CHRM2: variants seen among roughly 807,000 people sequenced by gnomAD.
CHRM2 encodes cholinergic receptor muscarinic 2, also known as muscarinic acetylcholine receptor M2.
A neutral mutation model predicts 25.0 loss-of-function variants in CHRM2; 8 were observed. The ratio of observed to expected loss-of-function variants is 0.32; its 90% CI spans 0.19 to 0.58. The LOEUF is 0.58. Among genes scored for constraint, CHRM2 ranks in the 20% least tolerant of loss-of-function variants. The probability of loss-of-function intolerance (pLI) is 0.88; values close to 1 mark genes in which losing one functional copy is unlikely to be tolerated. For synonymous variants in CHRM2, 202 were observed against 205.7 expected (o/e 0.98, Z 0.15); for missense variants, 440 against 567.1 (o/e 0.78, Z 2.28).
In CHRM2 at chr7:136,938,679, C is replaced by A. The variant is rs576701421; in HGVS notation, c.-124-53508C>A. On this transcript the variant is annotated intron_variant, in intron 2 of 3. Coordinates refer to ENST00000680005, the MANE Select transcript of CHRM2 (RefSeq NM_001006630.2). ...CTCGTGCAGGAGCGGCTGCTGAAGG[C>A]CCAGGGGCCAGAGGTGGACACCTTG... is the stretch of plus-strand genomic sequence containing the variant. The A allele has an allele frequency of 4.3e-5, 34 of 784,602 alleles. No homozygotes were observed. In the African/African-American group the frequency reaches 5.6e-4, roughly 13 times the overall value. The allele number at this position is 784,602 out of a possible 1,614,324, so 48.6% of individuals were successfully genotyped here.
Position 136,931,405 on chromosome 7 carries a change from G to A in CHRM2, c.-124-60782G>A, listed in dbSNP as rs1213050171. On this transcript the variant is annotated intron_variant, in intron 2 of 3. Coordinates refer to ENST00000680005, the MANE Select transcript of CHRM2 (RefSeq NM_001006630.2). The stretch of plus-strand genomic sequence containing the variant: ...AGTGGCGAGCCCCAAGCCTCAAAGT[G>A]GCAGAAGCAGCTTAAGACAGCACAT... 2.6e-5 allele frequency among the ~76,000 whole-genome samples: 4 copies of A among 152,176 alleles called. No homozygotes were observed. The East Asian group carries it at 7.7e-4, about 29-fold the overall frequency.
intron 2 of CHRM2, among the ~76,000 whole-genome samples, chr7:136,961,223 G>A (rs1433677038): frequency 6.6e-6 from 1 of 152,122 alleles, no homozygotes; most frequent in African/African-American, 2.4e-5. Context: ...ACAGTATTCA[G>A]TAAACTACAT....
chr7:136,938,309 C>T lies in CHRM2; in HGVS notation c.-124-53878C>T, dbSNP rs1328393741. The T allele has an allele frequency of 2.0e-5, 26 of 1,296,202 alleles. No homozygotes were observed. The East Asian group carries it at 3.0e-4, about 15-fold the overall frequency. 80.3% of individuals were successfully genotyped at this position (1,296,202 alleles called of 1,614,324 possible). Reference sequence around the variant, plus strand: ...CGCCTAAGGTTGTTGATGTAGCTCTCGAACATGTTGTCCATGTTGCTCCGA... The same window carrying T: ...CGCCTAAGGTTGTTGATGTAGCTCTTGAACATGTTGTCCATGTTGCTCCGA... On this transcript the variant is annotated intron_variant, in intron 2 of 3. Coordinates refer to ENST00000680005, the MANE Select transcript of CHRM2 (RefSeq NM_001006630.2).
chr7:136,939,387 G>T (rs1044657429), intron 2 of CHRM2, among the ~76,000 whole-genome samples: 2 of 152,176 alleles, frequency 1.3e-5, no homozygotes, highest in African/African-American at 4.8e-5. Flanking sequence ...CAGTTCTAAT[G>T]CCCCTTTTGG....
chr7:136,977,798 T>G (rs1802203576), intron 2 of CHRM2, among the ~76,000 whole-genome samples: 1 of 152,220 alleles, frequency 6.6e-6, no homozygotes, highest in South Asian at 2.1e-4. Context: ...GACCTACCCA[T>G]AAATTCTTTA....
At chr7:136,929,888 C>A (rs1798959657) in intron 2 of CHRM2, among the ~76,000 whole-genome samples, 1 of 151,768 alleles carries the variant, frequency 6.6e-6, no homozygotes, top group Admixed American at 6.6e-5. Flanking sequence ...TTAAATAATT[C>A]AATCAGTAAA....
chr7:136,997,214 T>C lies in CHRM2; in HGVS notation c.-47+4950T>C, dbSNP rs551953593. Among the ~76,000 whole-genome samples the C allele has an allele frequency of 7.9e-4, 121 of 152,314 alleles. 1 individual carries two copies. Among genetic ancestry groups the C allele is most frequent in the Admixed American group, 1.4e-3 (21 of 15,288 alleles). ...GTACATGTATATGTGTATGAGTGTATTGCATGCTCATGTATGTGTGTAGGA... is the reference window on the plus strand; with the variant it reads ...GTACATGTATATGTGTATGAGTGTACTGCATGCTCATGTATGTGTGTAGGA... On this transcript the variant is annotated intron_variant, in intron 3 of 3. Coordinates refer to ENST00000680005, the MANE Select transcript of CHRM2 (RefSeq NM_001006630.2).
intron 2 of CHRM2, among the ~76,000 whole-genome samples, chr7:136,881,853 C>T (rs1289704520): frequency 1.3e-5 from 2 of 152,016 alleles, no homozygotes; most frequent in Non-Finnish European, 2.9e-5. Flanking sequence ...GGGCTGTTTA[C>T]TTTCCACTTC....
At chr7:136,965,860 G>A (rs324582) in intron 2 of CHRM2, among the ~76,000 whole-genome samples, 129,985 of 151,862 alleles carry the variant, frequency 0.86, 56,452 homozygotes, top group Middle Eastern at 0.97. Context: ...AATAGTATTT[G>A]GAAGGGAATA....
chr7:136,937,794 C>A (rs1441879653), intron 2 of CHRM2, among the ~76,000 whole-genome samples: 1 of 152,134 alleles, frequency 6.6e-6, no homozygotes. Flanking sequence ...GATTTCCACG[C>A]TTTTGACACC....
intron 3 of CHRM2, among the ~76,000 whole-genome samples, chr7:137,008,504 C>A (rs1804595816): frequency 6.6e-6 from 1 of 151,956 alleles, no homozygotes; most frequent in Non-Finnish European, 1.5e-5. Context: ...GTCATTTGAG[C>A]CAACATTGAT....
At chr7:136,871,732 A>C (rs1795848686) in intron 2 of CHRM2, 1 of 152,190 alleles carries the variant, frequency 6.6e-6, no homozygotes, top group Non-Finnish European at 1.5e-5. Flanking sequence ...AGAACAATTG[A>C]CTTGGCCAAG....
intron 2 of CHRM2, among the ~76,000 whole-genome samples, chr7:136,968,024 T>C (rs972480697): frequency 1.3e-5 from 2 of 152,100 alleles, no homozygotes; most frequent in African/African-American, 4.8e-5. Flanking sequence ...TTGTGTTCAC[T>C]GCTTTATCTT....
chr7:136,968,741 T>A (rs1006272211), intron 2 of CHRM2, among the ~76,000 whole-genome samples: 30 of 146,302 alleles, frequency 2.1e-4, no homozygotes, highest in African/African-American at 6.9e-4. Context: ...TATATATATA[T>A]ATACAGACAA....
At chr7:136,935,274 T>G (rs528468587) in intron 2 of CHRM2, among the ~76,000 whole-genome samples, 1 of 152,256 alleles carries the variant, frequency 6.6e-6, no homozygotes, top group South Asian at 2.1e-4. Context: ...TACCTGTACA[T>G]ATATGGAAAA....
intron 2 of CHRM2, chr7:136,871,340 C>G (rs1007372177): frequency 6.6e-6 from 1 of 152,412 alleles, no homozygotes; most frequent in Non-Finnish European, 1.5e-5. Context: ...CGCCCCGCCC[C>G]GCCGCTGGGC....
chr7:136,953,103 T>G (rs1800514522), intron 2 of CHRM2, among the ~76,000 whole-genome samples: 1 of 152,176 alleles, frequency 6.6e-6, no homozygotes, highest in African/African-American at 2.4e-5. Context: ...AGTAATGGTA[T>G]TCTTGGGTTG....
At chr7:136,906,004 G>C (rs1797517411) in intron 2 of CHRM2, among the ~76,000 whole-genome samples, 1 of 148,122 alleles carries the variant, frequency 6.8e-6, no homozygotes, top group Non-Finnish European at 1.5e-5. Context: ...TCAGATCTTT[G>C]GTAATATTAT....
intron 3 of CHRM2, among the ~76,000 whole-genome samples, chr7:137,010,547 C>T (rs1804734652): frequency 6.6e-6 from 1 of 151,986 alleles, no homozygotes; most frequent in African/African-American, 2.4e-5. Flanking sequence ...ATGCAGTTTG[C>T]AGGAGGAAAC....
Sources: allele counts gnomAD v4.1 joint callset (sites outside exome capture counted in the v4.1 genomes callset), GRCh38; gene constraint gnomAD v4.1.1; transcripts MANE v1.5; gene names NCBI Gene and HGNC (gene_info 2026-07-23, HGNC 2026-07-21).